The following DLG1 variants were observed in gnomAD, a reference collection of about 807,000 sequenced individuals.
DLG1 encodes the protein discs large MAGUK scaffold protein 1.
A neutral mutation model predicts 123.4 loss-of-function variants in DLG1; 42 were observed. That is an observed-to-expected ratio of 0.34 (90% confidence interval 0.27 to 0.44). DLG1 has a LOEUF of 0.44. Among genes scored for constraint, DLG1 ranks in the 20% least tolerant of loss-of-function variants. DLG1 has a pLI of 1.00. For missense variants in DLG1, 942 were observed against 1,082.6 expected (o/e 0.87, Z 1.82); for synonymous variants, 317 against 356.2 (o/e 0.89, Z 1.24).
At chr3:197,060,714 G>C (rs187010727) in intron 22 of DLG1, among the ~76,000 whole-genome samples, 14 of 152,240 alleles carry the variant, frequency 9.2e-5, no homozygotes, top group Admixed American at 9.1e-4. Flanking sequence ...AGGATACTTA[G>C]GTTTTTAATA....
intron 11 of DLG1, among the ~76,000 whole-genome samples, chr3:197,125,472 C>G (rs12186042): frequency 0.11 from 17,125 of 152,064 alleles, 1,332 homozygotes; most frequent in South Asian, 0.33. Flanking sequence ...ACCATGGAAT[C>G]TAAGCTAATA....
intron 13 of DLG1, among the ~76,000 whole-genome samples, chr3:197,114,838 G>C (rs886552949): frequency 2.0e-5 from 3 of 152,162 alleles, no homozygotes; most frequent in Admixed American, 6.5e-5. Flanking sequence ...AAATTAGCCA[G>C]GCGTGGTGGC....
intron 4 of DLG1, among the ~76,000 whole-genome samples, chr3:197,235,253 T>C (rs901271096): frequency 1.3e-5 from 2 of 152,088 alleles, no homozygotes; most frequent in African/African-American, 4.8e-5. Flanking sequence ...AAATCAAGAC[T>C]GGTGTTCAAG....
intron 22 of DLG1, among the ~76,000 whole-genome samples, chr3:197,064,365 G>T (rs571412647): frequency 6.6e-6 from 1 of 152,094 alleles, no homozygotes; most frequent in South Asian, 2.1e-4. Flanking sequence ...GCTAATTTTT[G>T]TATGTTTAGT....
chr3:197,180,966 G>C (rs2061326293), intron 5 of DLG1, among the ~76,000 whole-genome samples: 1 of 152,094 alleles, frequency 6.6e-6, no homozygotes, highest in African/African-American at 2.4e-5. Context: ...TGAGAAGCTA[G>C]GTGTCTTGCA....
At chr3:197,086,547 TG>T (rs1754481645) in intron 15 of DLG1, among the ~76,000 whole-genome samples, 1 of 152,188 alleles carries the variant, frequency 6.6e-6, no homozygotes, top group Admixed American at 6.5e-5. Flanking sequence ...GAAATTAGGA[TG>T]AAAATCGTAA....
intron 10 of DLG1, among the ~76,000 whole-genome samples, chr3:197,132,589 T>C (rs1445555181): frequency 2.0e-5 from 3 of 151,860 alleles, no homozygotes; most frequent in African/African-American, 4.8e-5. Context: ...TAAATAGCTG[T>C]GGCATACTGC....
intron 4 of DLG1, among the ~76,000 whole-genome samples, chr3:197,250,001 C>A (rs4267623): frequency 0.58 from 87,455 of 151,844 alleles, 25,494 homozygotes; most frequent in East Asian, 0.8. Flanking sequence ...AAGGTCTGGA[C>A]CAAGACAAAA....
intron 4 of DLG1, among the ~76,000 whole-genome samples, chr3:197,256,538 G>A (rs775781490): frequency 1.3e-5 from 2 of 152,220 alleles, no homozygotes; most frequent in African/African-American, 4.8e-5. Flanking sequence ...TTGCTCAACA[G>A]TACTACTTTT....
intron 18 of DLG1, among the ~76,000 whole-genome samples, chr3:197,074,775 A>G (rs1746160339): frequency 6.6e-6 from 1 of 152,070 alleles, no homozygotes; most frequent in Non-Finnish European, 1.5e-5. Context: ...TCTAATACAA[A>G]CTTAAATCAC....
rs543844215 is a variant in DLG1, at chr3:197,282,263, AAAG to A, written c.318+413_318+415del. Among the ~76,000 whole-genome samples, 36 of 152,362 alleles carry A rather than the reference AAAG, an allele frequency of 2.4e-4. No individual in the cohort carries two copies. In the East Asian group the frequency reaches 6.5e-3, roughly 28 times the overall value. On this transcript the variant is annotated intron_variant, in intron 4 of 24. Coordinates refer to ENST00000667157, the MANE Select transcript of DLG1 (RefSeq NM_001366207.1). Reference sequence around the variant, plus strand: ...TTTGAATGCCATCCTTCAAGCCAATAAAGAAGAGATTCCTTGAGGTAAATGGGT... The same window carrying A: ...TTTGAATGCCATCCTTCAAGCCAATAAAGAGATTCCTTGAGGTAAATGGGT...
intron 4 of DLG1, among the ~76,000 whole-genome samples, chr3:197,198,035 T>C (rs770863805): frequency 1.3e-5 from 2 of 152,150 alleles, no homozygotes; most frequent in Non-Finnish European, 2.9e-5. Flanking sequence ...TAAGTGTAAA[T>C]CTTTGTGACC....
chr3:197,104,653 G>A (rs1765349152), intron 14 of DLG1, among the ~76,000 whole-genome samples: 1 of 152,088 alleles, frequency 6.6e-6, no homozygotes, highest in Non-Finnish European at 1.5e-5. Flanking sequence ...CTGCACTCCA[G>A]CCTGGGCAGT....
intron 23 of DLG1, among the ~76,000 whole-genome samples, chr3:197,055,183 T>C (rs543915937): frequency 6.6e-5 from 10 of 152,188 alleles, no homozygotes; most frequent in Admixed American, 6.5e-4. Flanking sequence ...AACCACGGAG[T>C]TCAAGTGATC....
At chr3:197,293,671 A>T (rs1345618315) in intron 3 of DLG1, among the ~76,000 whole-genome samples, 1 of 152,100 alleles carries the variant, frequency 6.6e-6, no homozygotes, top group Non-Finnish European at 1.5e-5. Flanking sequence ...ATAAACTACC[A>T]GTTCAAAGAA....
At chr3:197,135,987 T>A (rs2149599042) in intron 10 of DLG1, among the ~76,000 whole-genome samples, 1 of 152,044 alleles carries the variant, frequency 6.6e-6, no homozygotes, top group Non-Finnish European at 1.5e-5. Flanking sequence ...AATTTCTGTA[T>A]TTTTTGTAGA....
intron 5 of DLG1, among the ~76,000 whole-genome samples, chr3:197,180,811 A>C (rs987702362): frequency 1.4e-4 from 21 of 152,114 alleles, no homozygotes; most frequent in African/African-American, 5.1e-4. Context: ...GGAAGAGAGA[A>C]GATCCAATCA....
chr3:197,223,041 C>T (rs1201985883), intron 4 of DLG1, among the ~76,000 whole-genome samples: 2 of 152,236 alleles, frequency 1.3e-5, no homozygotes, highest in Non-Finnish European at 2.9e-5. Context: ...TAATTCTACA[C>T]TACAGAGTTG....
chr3:197,103,504 G>A (rs1219591881), intron 14 of DLG1, among the ~76,000 whole-genome samples: 1 of 151,866 alleles, frequency 6.6e-6, no homozygotes, highest in African/African-American at 2.4e-5. Flanking sequence ...GGGTCCCATT[G>A]GCAGATTTGT....
Sources: gnomAD v4.1 joint callset for allele counts (sites outside exome capture counted in the v4.1 genomes callset) on GRCh38, gnomAD v4.1.1 for gene constraint, MANE v1.5 for transcripts, NCBI Gene and HGNC (gene_info 2026-07-23, HGNC 2026-07-21) for gene names.